Variants in ITSN2 observed in about 807,000 individuals in gnomAD.
ITSN2 encodes the protein intersectin 2.
A neutral mutation model predicts 243.7 loss-of-function variants in ITSN2; 156 were observed. The ratio of observed to expected loss-of-function variants is 0.64; its 90% CI spans 0.56 to 0.73. The LOEUF is 0.73. Among genes scored for constraint, ITSN2 ranks in the 30% least tolerant of loss-of-function variants. The pLI, the probability that ITSN2 is intolerant of heterozygous loss-of-function variation, is 0.00. For synonymous variants in ITSN2, 703 were observed against 699.9 expected (o/e 1.00, Z -0.07); for missense variants, 1,801 against 1,996.1 (o/e 0.90, Z 1.86).
rs763649991 is a variant in ITSN2 at position 24,310,287 on chromosome 2, C to T, written c.650G>A (p.Ser217Asn). The T allele has an allele frequency of 6.2e-7, 1 of 1,605,138 alleles. No individual in the cohort carries two copies. Among genetic ancestry groups the T allele is most frequent in the Non-Finnish European group, 8.5e-7 (1 of 1,173,296 alleles). ...KAQSLIDLGSSSSTSSTASLS... is the reference protein window; with the variant it reads ...KAQSLIDLGSNSSTSSTASLS... ...TGTCAGAGTTAGCTATTCATACCTA[C>T]TAGATCCTAAATCAATCAGAGACTG... is the stretch of plus-strand genomic sequence containing the variant. Residue 217 changes from serine (S) to asparagine (N), a missense_variant, in exon 7 of 40, where the codon AGT (serine) becomes AAT (asparagine). Ser to Asn is a conservative substitution (Grantham distance 46). Coordinates refer to ENST00000355123, the MANE Select transcript of ITSN2 (RefSeq NM_006277.3).
At chr2:24,331,899 A>G (rs1264029853) in intron 1 of ITSN2, among the ~76,000 whole-genome samples, 1 of 152,236 alleles carries the variant, frequency 6.6e-6, no homozygotes, top group Non-Finnish European at 1.5e-5. Flanking sequence ...TGTTCACAGC[A>G]TCAGATGAAG....
In ITSN2 at chr2:24,274,521, C is replaced by T. The variant is rs191754909; in HGVS notation, c.2081+1192G>A. ...CCCGGGAGGTCGAGGCTGCAGTGAT[C>T]CCTGATCATACCACTGCAATCCAGC... On this transcript the variant is annotated intron_variant, in intron 18 of 39. Coordinates refer to ENST00000355123, the MANE Select transcript of ITSN2 (RefSeq NM_006277.3). Among the ~76,000 whole-genome samples, 198 of 152,236 alleles carry T rather than the reference C, an allele frequency of 1.3e-3. 1 individual carries two copies. Among genetic ancestry groups the T allele is most frequent in the Non-Finnish European group, 9.4e-4 (64 of 68,016 alleles).
chr2:24,305,576 C>CAAAAA (rs537945691), intron 8 of ITSN2, among the ~76,000 whole-genome samples: 8 of 40,898 alleles, frequency 2.0e-4, no homozygotes, highest in African/African-American at 3.4e-4. Context: ...GACTCTGTCT[C>CAAAAA]AAAAAAAAAA....
intron 24 of ITSN2, 70 bp downstream of exon 24, chr2:24,254,297 A>G (rs936378679): frequency 4.4e-5 from 43 of 987,876 alleles, no homozygotes; most frequent in Non-Finnish European, 5.1e-5. Context: ...AACAGCAACT[A>G]TGTGAAGTCA....
chr2:24,256,324 A>C (rs1675050320), intron 23 of ITSN2, among the ~76,000 whole-genome samples: 1 of 152,248 alleles, frequency 6.6e-6, no homozygotes, highest in Non-Finnish European at 1.5e-5. Context: ...CAGCAGTGAA[A>C]GGGTCTTTAA....
At chr2:24,282,393 C>G (rs796640315) in intron 17 of ITSN2, among the ~76,000 whole-genome samples, 1 of 152,216 alleles carries the variant, frequency 6.6e-6, no homozygotes, top group Non-Finnish European at 1.5e-5. Flanking sequence ...CTGGCTCCCC[C>G]ATCTGCTGAG....
intron 35 of ITSN2, 75 bp from the exon 36 acceptor site, chr2:24,209,296 T>C: frequency 1.3e-6 from 2 of 1,570,766 alleles, no homozygotes; most frequent in Admixed American, 1.7e-5. Context: ...CAGAGAGAGT[T>C]CTGTTTGTTC....
At chr2:24,329,369 C>T (rs1685527490) in intron 1 of ITSN2, among the ~76,000 whole-genome samples, 1 of 152,206 alleles carries the variant, frequency 6.6e-6, no homozygotes, top group African/African-American at 2.4e-5. Context: ...AAGCGATTCT[C>T]CAGCCTCAGC....
chr2:24,271,170 T>C (rs185573834), intron 19 of ITSN2, among the ~76,000 whole-genome samples: 2 of 152,170 alleles, frequency 1.3e-5, no homozygotes, highest in Admixed American at 6.5e-5. Context: ...AAGATAAGAA[T>C]AGCAAGTTAA....
intron 15 of ITSN2, among the ~76,000 whole-genome samples, chr2:24,287,745 G>A (rs958072539): frequency 4.6e-5 from 7 of 152,016 alleles, no homozygotes; most frequent in Admixed American, 2.0e-4. Flanking sequence ...CCAGGTGTGA[G>A]GTGATATTAT....
At chr2:24,260,087 A>G (rs1294008161) in intron 22 of ITSN2, among the ~76,000 whole-genome samples, 4 of 152,086 alleles carry the variant, frequency 2.6e-5, no homozygotes, top group Non-Finnish European at 4.4e-5. Context: ...TGCCCGGCTA[A>G]TTTTTAAATT....
intron 29 of ITSN2, among the ~76,000 whole-genome samples, chr2:24,222,876 G>T (rs950505789): frequency 6.6e-6 from 1 of 151,800 alleles, no homozygotes; most frequent in African/African-American, 2.4e-5. Flanking sequence ...GGGTTTCACC[G>T]TATTGGCCAG....
chr2:24,333,551 A>T (rs528699465), intron 1 of ITSN2, among the ~76,000 whole-genome samples: 42 of 152,202 alleles, frequency 2.8e-4, no homozygotes, highest in Non-Finnish European at 5.3e-4. Context: ...GAATACTGTT[A>T]GTTATGTATG....
chr2:24,259,840 A>G (rs1675578068), intron 22 of ITSN2, among the ~76,000 whole-genome samples: 1 of 152,186 alleles, frequency 6.6e-6, no homozygotes, highest in African/African-American at 2.4e-5. Context: ...GATATCTTTA[A>G]TACAGCATTT....
At chr2:24,207,686 T>C (rs1669044794) in intron 37 of ITSN2, among the ~76,000 whole-genome samples, 1 of 151,662 alleles carries the variant, frequency 6.6e-6, no homozygotes, top group African/African-American at 2.4e-5. Flanking sequence ...GAAAGTGAGC[T>C]GAGCCACTAA....
intron 20 of ITSN2, among the ~76,000 whole-genome samples, chr2:24,264,572 G>A (rs1053082010): frequency 8.6e-6 from 1 of 115,728 alleles, no homozygotes; most frequent in South Asian, 2.8e-4. Flanking sequence ...TGTATATGTT[G>A]CAAGGAACAA....
rs1668676003 is a variant in ITSN2, at chr2:24,204,724, G to A, written c.4763-306C>T. On this transcript the variant is annotated intron_variant, in intron 38 of 39. Coordinates refer to ENST00000355123, the MANE Select transcript of ITSN2 (RefSeq NM_006277.3). The surrounding 1 kb of genome is among the most constrained non-coding windows in gnomAD (Gnocchi z 5.1). Reference sequence around the variant, plus strand: ...GCTTCCTCGGCGCAGACACACTCGGGAAGGCGGGCACTGGCACTTACTGGG... The same window carrying A: ...GCTTCCTCGGCGCAGACACACTCGGAAAGGCGGGCACTGGCACTTACTGGG... The A allele has an allele frequency of 7.3e-6, 4 of 545,576 alleles. No individual in the cohort carries two copies. The highest frequency in any genetic ancestry group is 4.6e-5 in the South Asian group (3 of 65,380). 33.8% of individuals were successfully genotyped at this position (545,576 alleles called of 1,614,324 possible).
At chr2:24,343,009 T>G (rs1687185532) in intron 1 of ITSN2, among the ~76,000 whole-genome samples, 1 of 150,924 alleles carries the variant, frequency 6.6e-6, no homozygotes. Context: ...GAGGACTGCT[T>G]GAGTCTGTAA....
chr2:24,247,328 G>A (rs527626379), intron 27 of ITSN2, among the ~76,000 whole-genome samples: 5 of 152,284 alleles, frequency 3.3e-5, no homozygotes, highest in East Asian at 3.9e-4. Flanking sequence ...TCATGACTCT[G>A]CCAGGAGAGG....
Sources: allele counts gnomAD v4.1 joint callset (sites outside exome capture counted in the v4.1 genomes callset), GRCh38; gene constraint gnomAD v4.1.1; non-coding constraint Gnocchi (gnomAD v3.1); transcripts MANE v1.5; gene names NCBI Gene and HGNC (gene_info 2026-07-23, HGNC 2026-07-21).